PXN: variants seen among roughly 807,000 people sequenced by gnomAD.
The protein encoded by PXN is paxillin.
A neutral mutation model predicts 103.6 loss-of-function variants in PXN; 61 were observed. The ratio of observed to expected loss-of-function variants is 0.59; its 90% CI spans 0.48 to 0.73. The LOEUF (loss-of-function observed/expected upper bound fraction) is 0.73. Ranked by LOEUF, PXN falls within the 30% of genes least tolerant of loss-of-function variation. The probability of loss-of-function intolerance (pLI) is 0.00; values close to 1 mark genes in which losing one functional copy is unlikely to be tolerated. For synonymous variants in PXN, 562 were observed against 607.8 expected, an observed-to-expected ratio of 0.92 and a Z score of 1.11; for missense variants, 1,274 against 1,460.3, an observed-to-expected ratio of 0.87 and a Z score of 2.08.
Position 120,224,367 on chromosome 12 carries a change from C to T in PXN, c.24G>A (p.Leu8=), listed in dbSNP as rs1886179851. The change falls in exon 2 of 15, where the codon CTG becomes CTA. Residue 8 remains leucine (L), a synonymous_variant. Transcript: ENST00000637617. The surrounding 1 kb of genome is among the most constrained non-coding windows in gnomAD (Gnocchi z 5.0). MDDLDAL[L]ADLESTTSHI... ...GGGAGGTGGTAGACTCCAAGTCCGC[C>T]AGCAGGGCGTCTGCAAAGAGAAGGC... is the stretch of plus-strand genomic sequence containing the variant. The T allele has an allele frequency of 6.2e-7, 1 of 1,613,802 alleles. No individual in the cohort carries two copies.
rs1566346928 is a variant in PXN, at chr12:120,213,049, T to A, written c.2980-469A>T. On this transcript the variant is annotated intron_variant, in intron 14 of 14. Transcript: ENST00000637617. The surrounding 1 kb of genome is among the most constrained non-coding windows in gnomAD (Gnocchi z 4.2). ...TGTAGTCAAACTCTGCCTCCTAGAT[T>A]CTCATTGGAGATTCACATCACATAT... The A allele has an allele frequency of 1.3e-5, 2 of 155,616 alleles. No individual in the cohort carries two copies. Among genetic ancestry groups the A allele is most frequent in the Non-Finnish European group, 2.8e-5 (2 of 70,262 alleles). The allele number at this position is 155,616 out of a possible 1,614,324, so 9.6% of individuals were successfully genotyped here.
chr12:120,242,169 CCTAT>C (rs1228384991), intron 1 of PXN, among the ~76,000 whole-genome samples: 6 of 152,110 alleles, frequency 3.9e-5, no homozygotes, highest in Non-Finnish European at 7.4e-5. Flanking sequence ...GGCCAAGGCA[CCTAT>C]CTAAGTAACA....
In PXN at chr12:120,224,413, G is replaced by A. The variant is rs80258478; in HGVS notation, c.14-36C>T. 9.1e-4 allele frequency: 1,364 copies of A among 1,495,864 alleles called. 2 individuals are homozygous for A. The highest frequency in any genetic ancestry group is 1.1e-3 in the Non-Finnish European group (1,219 of 1,073,580). 92.7% of individuals were successfully genotyped at this position (1,495,864 alleles called of 1,614,324 possible). A position where few individuals can be genotyped will look rare whatever the true frequency, so the allele number is the denominator to read the frequency against. ...AAGGCACGGGTAGCAGGTGAGAACC[G>A]GGATCCTGGGGACTCTCCCGTGGCA... On this transcript the variant is annotated intron_variant, in intron 1 of 14. Transcript: ENST00000637617. This position sits in a 1 kb window ranked among gnomAD's most constrained non-coding sequence, Gnocchi z 5.0.
intron 3 of PXN, 22 bp from the exon 4 acceptor site, chr12:120,223,021 A>T (rs775833135): frequency 6.2e-7 from 1 of 1,613,904 alleles, no homozygotes; most frequent in South Asian, 1.1e-5. Context: ...AAAGGAAAGA[A>T]GATAGTGAGA....
At position 120,214,206 on chromosome 12, in the gene PXN, T is replaced by G; in HGVS notation, c.2760A>C (p.Thr920=). ...CAGGGTGCCACGTCCGGTCAAGGGC[T>G]GTCACCACTTTCTGTGAAAGCAAAA... ...CNGPILDKVV[T]ALDRTWHPEH... is the part of the protein sequence containing the mutation. The change falls in exon 13 of 15, where the codon ACA becomes ACC. Residue 920 remains threonine, a synonymous_variant. Transcript: ENST00000637617. The surrounding 1 kb of genome is among the most constrained non-coding windows in gnomAD (Gnocchi z 5.0). 6.4e-7 allele frequency: 1 copy of G among 1,551,714 alleles called. No individual in the cohort carries two copies. The highest frequency in any genetic ancestry group is 8.7e-7 in the Non-Finnish European group (1 of 1,147,058).
Position 120,213,807 on chromosome 12 carries a change from C to G in PXN, c.2979+35G>C, listed in dbSNP as rs183308895. On this transcript the variant is annotated intron_variant, in intron 14 of 14. Coordinates refer to ENST00000637617, the MANE Select transcript of PXN (RefSeq NM_001385981.1). The surrounding 1 kb of genome is among the most constrained non-coding windows in gnomAD (Gnocchi z 4.2). ...GACCCCTCTCTCCCCACTGCCTGCT[C>G]CTCGCCCCTCCAGATGTGGTCAGGG... 1.2e-3 allele frequency: 1,842 copies of G among 1,594,510 alleles called. 16 individuals carry two copies. The African/African-American group carries it at 0.022, about 19-fold the overall frequency.
At position 120,229,171 on chromosome 12, in the gene PXN, C is replaced by A. The variant is rs1277610085; in HGVS notation, c.14-4794G>T. Among the ~76,000 whole-genome samples the A allele has an allele frequency of 1.3e-5, 2 of 152,134 alleles. No individual in the cohort carries two copies. Among genetic ancestry groups the A allele is most frequent in the African/African-American group, 4.8e-5 (2 of 41,422 alleles). ...TTGTACCTACAATGGGGGGATGTCC[C>A]CCAGACTGTGGCTCTGGGGACCCCG... On this transcript the variant is annotated intron_variant, in intron 1 of 14. Coordinates refer to ENST00000637617, the MANE Select transcript of PXN (RefSeq NM_001385981.1). The surrounding 1 kb of genome is among the most constrained non-coding windows in gnomAD (Gnocchi z 4.0).
intron 1 of PXN, among the ~76,000 whole-genome samples, chr12:120,263,762 ACT>A (rs964895723): frequency 1.3e-5 from 2 of 152,082 alleles, no homozygotes; most frequent in Admixed American, 6.6e-5. Flanking sequence ...CGTATACAGT[ACT>A]CTCTTTCCTT....
chr12:120,221,499 C>G lies in PXN; in HGVS notation c.831+124G>C. 1 of 1,168,558 alleles carries G rather than the reference C, an allele frequency of 8.6e-7. No individual in the cohort carries two copies. The highest frequency in any genetic ancestry group is 1.2e-6 in the Non-Finnish European group (1 of 837,532). 72.4% of individuals were successfully genotyped at this position (1,168,558 alleles called of 1,614,324 possible). A position where few individuals can be genotyped will look rare whatever the true frequency, so the allele number is the denominator to read the frequency against. ...GCAAGGCCAGGGCATGACAGTGTCC[C>G]TGGCTCAGGGGCAAGGCACCCAAAC... On this transcript the variant is annotated intron_variant, in intron 6 of 14. Transcript: ENST00000637617. The surrounding 1 kb of genome is among the most constrained non-coding windows in gnomAD (Gnocchi z 6.6).
chr12:120,238,919 A>G (rs749508638), intron 1 of PXN, among the ~76,000 whole-genome samples: 1 of 152,194 alleles, frequency 6.6e-6, no homozygotes, highest in Non-Finnish European at 1.5e-5. Context: ...TAAACTTCCC[A>G]AGGACAAGAA....
Position 120,224,496 on chromosome 12 carries a change from G to A in PXN, c.14-119C>T. The A allele has an allele frequency of 2.5e-6, 2 of 814,820 alleles. No homozygotes were observed. Among genetic ancestry groups the A allele is most frequent in the East Asian group, 2.4e-5 (1 of 41,204 alleles). The allele number at this position is 814,820 out of a possible 1,614,324, so 50.5% of individuals were successfully genotyped here. A position where few individuals can be genotyped will look rare whatever the true frequency, so the allele number is the denominator to read the frequency against. On this transcript the variant is annotated intron_variant, in intron 1 of 14. Coordinates refer to ENST00000637617, the MANE Select transcript of PXN (RefSeq NM_001385981.1). This position sits in a 1 kb window ranked among gnomAD's most constrained non-coding sequence, Gnocchi z 5.0. ...GCCTTCTAGCACCTGCCCCACCCATGGGAGAAATGACCAGCCTTGGGACAG... is the reference window on the plus strand; with the variant it reads ...GCCTTCTAGCACCTGCCCCACCCATAGGAGAAATGACCAGCCTTGGGACAG...
Position 120,217,039 on chromosome 12 carries a change from C to T in PXN, c.1794G>A (p.Arg598=). The T allele has an allele frequency of 6.3e-7, 1 of 1,587,866 alleles. No homozygotes were observed. Among genetic ancestry groups the T allele is most frequent in the Non-Finnish European group, 8.5e-7 (1 of 1,175,424 alleles). Residue 598 remains arginine (R), a synonymous_variant, in exon 8 of 15, where the codon CGG becomes CGA. Coordinates refer to ENST00000637617, the MANE Select transcript of PXN (RefSeq NM_001385981.1). The surrounding 1 kb of genome is among the most constrained non-coding windows in gnomAD (Gnocchi z 4.1). ...PMSREPSPRR[R]LDPATLSRTP... ...TCCTGCTCAAGGTGGCAGGGTCCAG[C>T]CGGCGGCGAGGGGAGGGCTCCCGGG...
At chr12:120,232,545 C>CA (rs757015338) in intron 1 of PXN, among the ~76,000 whole-genome samples, 2 of 152,166 alleles carry the variant, frequency 1.3e-5, no homozygotes, top group Non-Finnish European at 2.9e-5. Context: ...GATTCACATA[C>CA]AAAAAAGACA....
chr12:120,230,239 C>T (rs916558432), intron 1 of PXN, among the ~76,000 whole-genome samples: 3 of 152,212 alleles, frequency 2.0e-5, no homozygotes, highest in African/African-American at 7.2e-5. Context: ...AGCACAGGGG[C>T]CTTCCCCGCA....
At position 120,229,903 on chromosome 12, in the gene PXN, C is replaced by A. The variant is rs1250426084; in HGVS notation, c.14-5526G>T. On this transcript the variant is annotated intron_variant, in intron 1 of 14. Coordinates refer to ENST00000637617, the MANE Select transcript of PXN (RefSeq NM_001385981.1). The surrounding 1 kb of genome is among the most constrained non-coding windows in gnomAD (Gnocchi z 4.0). Reference sequence around the variant, plus strand: ...CACACCAGCCCCAGCGCCAGGGCCCCGTGGTCCCTGCCCACCTTTGCCATT... The same window carrying A: ...CACACCAGCCCCAGCGCCAGGGCCCAGTGGTCCCTGCCCACCTTTGCCATT... 2.0e-5 allele frequency among the ~76,000 whole-genome samples: 3 copies of A among 152,172 alleles called. No homozygotes were observed. The highest frequency in any genetic ancestry group is 4.4e-5 in the Non-Finnish European group (3 of 68,020).
Position 120,225,682 on chromosome 12 carries a change from C to A in PXN, c.14-1305G>T, listed in dbSNP as rs1886684075. On this transcript the variant is annotated intron_variant, in intron 1 of 14. Coordinates refer to ENST00000637617, the MANE Select transcript of PXN (RefSeq NM_001385981.1). This position sits in a 1 kb window ranked among gnomAD's most constrained non-coding sequence, Gnocchi z 4.4. ...GGCCTGTAAGAGGCCACTATGACTA[C>A]CAGATGATGCCATACTTAAAGGGTT... 6.6e-6 allele frequency among the ~76,000 whole-genome samples: 1 copy of A among 152,202 alleles called. No individual in the cohort carries two copies. The highest frequency in any genetic ancestry group is 2.1e-4 in the South Asian group (1 of 4,830).
At chr12:120,243,239 C>T (rs913008208) in intron 1 of PXN, among the ~76,000 whole-genome samples, 6 of 152,278 alleles carry the variant, frequency 3.9e-5, no homozygotes, top group East Asian at 3.9e-4. Flanking sequence ...TCTTCTTCAA[C>T]GAGAGGATAA....
intron 1 of PXN, among the ~76,000 whole-genome samples, chr12:120,260,738 G>A (rs1204107387): frequency 6.6e-6 from 1 of 152,178 alleles, no homozygotes; most frequent in South Asian, 2.1e-4. Flanking sequence ...GGTTGATGCA[G>A]GCACATTGCT....
In PXN at chr12:120,212,783, CTA is replaced by C; in HGVS notation, c.2980-205_2980-204del. The C allele has an allele frequency of 1.9e-6, 1 of 529,258 alleles. No homozygotes were observed. The highest frequency in any genetic ancestry group is 3.7e-5 in the Admixed American group (1 of 27,114). 32.8% of individuals were successfully genotyped at this position (529,258 alleles called of 1,614,324 possible). A position where few individuals can be genotyped will look rare whatever the true frequency, so the allele number is the denominator to read the frequency against. On this transcript the variant is annotated intron_variant, in intron 14 of 14. Transcript: ENST00000637617. This position sits in a 1 kb window ranked among gnomAD's most constrained non-coding sequence, Gnocchi z 7.2. Reference sequence around the variant, plus strand: ...TTTTTTTGTAGAGATGGGGGTCTCACTATATTGCCCATGCTGGTCAAATGTGG... The same window carrying C: ...TTTTTTTGTAGAGATGGGGGTCTCACTATTGCCCATGCTGGTCAAATGTGG...
Sources: gnomAD v4.1 joint callset for allele counts (sites outside exome capture counted in the v4.1 genomes callset) on GRCh38, gnomAD v4.1.1 for gene constraint, Gnocchi (gnomAD v3.1) non-coding constraint, MANE v1.5 for transcripts, NCBI Gene and HGNC (gene_info 2026-07-23, HGNC 2026-07-21) for gene names.